The following ITGA8 variants were observed in gnomAD, a reference collection of about 807,000 sequenced individuals.
ITGA8 encodes integrin subunit alpha 8, also known as integrin alpha-8.
ITGA8 carries 91 observed loss-of-function variants against 142.3 expected under a neutral mutation model. The observed-to-expected ratio is 0.64, with a 90% CI of 0.54 to 0.76. The LOEUF (loss-of-function observed/expected upper bound fraction) is 0.76, where lower values mean the gene tolerates loss of function less well. Among genes scored for constraint, ITGA8 ranks in the 30% least tolerant of loss-of-function variants. The pLI, the probability that ITGA8 is intolerant of heterozygous loss-of-function variation, is 0.00. For missense variants in ITGA8, 1,406 were observed against 1,327.7 expected (o/e 1.06, Z -0.92); for synonymous variants, 505 against 485.2 (o/e 1.04, Z -0.54).
intron 28 of ITGA8, among the ~76,000 whole-genome samples, chr10:15,525,989 T>A (rs368782984): frequency 6.6e-6 from 1 of 152,312 alleles, no homozygotes; most frequent in East Asian, 1.9e-4. Flanking sequence ...CCGTGTTTAA[T>A]GGAAAAATAC....
At chr10:15,691,217 AG>A (rs1463496571) in intron 2 of ITGA8, among the ~76,000 whole-genome samples, 1 of 152,212 alleles carries the variant, frequency 6.6e-6, no homozygotes, top group East Asian at 1.9e-4. Context: ...ATATGAAGAA[AG>A]GGACCCCTAG....
At chr10:15,527,554 C>A (rs140416041) in intron 28 of ITGA8, among the ~76,000 whole-genome samples, 184 of 152,284 alleles carry the variant, frequency 1.2e-3, no homozygotes, top group African/African-American at 4.3e-3. Flanking sequence ...TTCTTCGAAT[C>A]ATGCAATCTT....
At chr10:15,566,560 C>T (rs1834084863) in intron 25 of ITGA8, among the ~76,000 whole-genome samples, 1 of 152,044 alleles carries the variant, frequency 6.6e-6, no homozygotes, top group African/African-American at 2.4e-5. Flanking sequence ...CCTGTAATCC[C>T]AGCACTTTGG....
chr10:15,567,162 A>C (rs76478990), intron 25 of ITGA8, among the ~76,000 whole-genome samples: 4 of 151,438 alleles, frequency 2.6e-5, no homozygotes, highest in Admixed American at 6.6e-5. Context: ...CTCAAAAAAA[A>C]AAAGAAGAAA....
intron 4 of ITGA8, among the ~76,000 whole-genome samples, chr10:15,679,835 T>G (rs1214391820): frequency 6.6e-6 from 1 of 152,234 alleles, no homozygotes; most frequent in Non-Finnish European, 1.5e-5. Flanking sequence ...CAAAAGTCTG[T>G]AGGGCATTAG....
At position 15,580,474 on chromosome 10, in the gene ITGA8, C is replaced by T. The variant is rs533194350; in HGVS notation, c.2373-4880G>A. Among the ~76,000 whole-genome samples, 40 of 152,058 alleles carry T rather than the reference C, an allele frequency of 2.6e-4. 1 individual carries two copies. The South Asian group carries it at 7.3e-3, about 28-fold the overall frequency. The stretch of plus-strand genomic sequence containing the variant: ...ATACCCAAATCAGAAAAAGATATTG[C>T]GAGAAAGGAAAACTACAGATCAGTA... On this transcript the variant is annotated intron_variant, in intron 23 of 29. Transcript: ENST00000378076.
At chr10:15,674,057 C>G (rs912620437) in intron 6 of ITGA8, among the ~76,000 whole-genome samples, 3 of 152,174 alleles carry the variant, frequency 2.0e-5, no homozygotes, top group African/African-American at 7.2e-5. Flanking sequence ...GGAATTCACA[C>G]AAAATTCCCA....
intron 8 of ITGA8, among the ~76,000 whole-genome samples, chr10:15,667,400 C>G (rs1282037122): frequency 6.6e-6 from 1 of 151,524 alleles, no homozygotes; most frequent in Non-Finnish European, 1.5e-5. Flanking sequence ...CTATTTGATT[C>G]TTCTCTCTTT....
chr10:15,604,225 T>C lies in ITGA8; in HGVS notation c.2101A>G (p.Ile701Val). The C allele has an allele frequency of 1.2e-6, 2 of 1,611,208 alleles. No homozygotes were observed. The highest frequency in any genetic ancestry group is 1.7e-6 in the Non-Finnish European group (2 of 1,179,180). Reference protein sequence around the residue: ...MIPEEADYVGIERNNKGFRPL... With the variant: ...MIPEEADYVGVERNNKGFRPL... ...GGCATTACCTTGTTGTTGCGTTCGA[T>C]TCCAACATAATCTGCCTCTTCTGGT... is the stretch of plus-strand genomic sequence containing the variant. Residue 701 changes from isoleucine (I) to valine (V), a missense_variant, in exon 20 of 30, where the codon ATC becomes GTC. By Grantham distance (29) the Ile-to-Val change is conservative. Coordinates refer to ENST00000378076, the MANE Select transcript of ITGA8 (RefSeq NM_003638.3).
intron 14 of ITGA8, among the ~76,000 whole-genome samples, chr10:15,614,059 C>T (rs920763246): frequency 3.9e-5 from 6 of 152,112 alleles, no homozygotes; most frequent in African/African-American, 9.7e-5. Context: ...AGTGGGCCTC[C>T]GGTATTATGG....
At chr10:15,682,574 G>A (rs1834757115) in intron 4 of ITGA8, among the ~76,000 whole-genome samples, 1 of 152,170 alleles carries the variant, frequency 6.6e-6, no homozygotes, top group Admixed American at 6.5e-5. Context: ...AAATGTTCAA[G>A]CCAGGTGTGG....
intron 27 of ITGA8, among the ~76,000 whole-genome samples, chr10:15,535,865 C>G (rs1171291668): frequency 6.6e-6 from 1 of 152,120 alleles, no homozygotes; most frequent in Admixed American, 6.6e-5. Context: ...CTCTTTGGGT[C>G]CACGCTGCCT....
rs985010210 is a variant in ITGA8 at position 15,572,507 on chromosome 10, G to A, written c.2479-138C>T. 5.2e-6 allele frequency: 4 copies of A among 766,624 alleles called. No homozygotes were observed. In the African/African-American group the frequency reaches 5.2e-5, roughly 10 times the overall value. The allele number at this position is 766,624 out of a possible 1,614,324, so 47.5% of individuals were successfully genotyped here. On this transcript the variant is annotated intron_variant, in intron 24 of 29. Coordinates refer to ENST00000378076, the MANE Select transcript of ITGA8 (RefSeq NM_003638.3). ...TCTGGACTATGACTATGGAAAATAA[G>A]AAAATTCAAAGTCGATATGGCAAGA... is the stretch of plus-strand genomic sequence containing the variant.
intron 13 of ITGA8, 80 bp from the exon 14 acceptor site, chr10:15,616,639 T>C: frequency 4.4e-6 from 5 of 1,127,986 alleles, no homozygotes; most frequent in South Asian, 3.7e-5. Flanking sequence ...AAGTAGCACA[T>C]AGAATACCCC....
intron 25 of ITGA8, among the ~76,000 whole-genome samples, chr10:15,559,720 G>A (rs910741714): frequency 2.7e-5 from 4 of 150,030 alleles, no homozygotes; most frequent in African/African-American, 9.8e-5. Flanking sequence ...ACTAACATAG[G>A]AACAGAAAAA....
chr10:15,554,424 CCT>C (rs1243119005), intron 26 of ITGA8, among the ~76,000 whole-genome samples: 1 of 152,154 alleles, frequency 6.6e-6, no homozygotes, highest in Admixed American at 6.5e-5. Flanking sequence ...TGGGCTAGTG[CCT>C]CTCTGGCATG....
chr10:15,634,926 T>C (rs946235608), intron 13 of ITGA8, among the ~76,000 whole-genome samples: 1 of 152,094 alleles, frequency 6.6e-6, no homozygotes, highest in Admixed American at 6.5e-5. Context: ...TTTGCAACTT[T>C]TCTGTGAGTC....
At chr10:15,610,060 G>A (rs535618691) in intron 15 of ITGA8, among the ~76,000 whole-genome samples, 1 of 152,032 alleles carries the variant, frequency 6.6e-6, no homozygotes, top group East Asian at 1.9e-4. Context: ...TCTGTTTTCT[G>A]AATATCATTA....
intron 23 of ITGA8, among the ~76,000 whole-genome samples, chr10:15,586,010 T>C (rs1200817020): frequency 6.6e-6 from 1 of 151,946 alleles, no homozygotes; most frequent in Non-Finnish European, 1.5e-5. Context: ...CTGGTTTTTA[T>C]AGTTTGATTA....
Sources: gnomAD v4.1 joint callset for allele counts (sites outside exome capture counted in the v4.1 genomes callset) on GRCh38, gnomAD v4.1.1 for gene constraint, MANE v1.5 for transcripts, NCBI Gene and HGNC (gene_info 2026-07-23, HGNC 2026-07-21) for gene names.